The following SH3BP5 variants were observed in gnomAD, a reference collection of about 807,000 sequenced individuals.
SH3BP5 encodes SH3 domain binding protein 5, also known as SH3 domain-binding protein 5.
Under a neutral mutation model 43.3 loss-of-function variants are expected in SH3BP5, and 22 were observed. The observed-to-expected ratio is 0.51, with a 90% confidence interval of 0.36 to 0.73. The LOEUF (loss-of-function observed/expected upper bound fraction) is 0.73, where lower values mean the gene tolerates loss of function less well. SH3BP5 is among the 30% of genes least tolerant of loss of function. The pLI, the probability that SH3BP5 is intolerant of heterozygous loss-of-function variation, is 0.00. For synonymous variants in SH3BP5, 255 were observed against 225.8 expected, an observed-to-expected ratio of 1.13 and a Z score of -1.16; for missense variants, 529 against 586.9, an observed-to-expected ratio of 0.90 and a Z score of 1.02.
chr3:15,259,088 T>G, intron 6 of SH3BP5, 38 bp from the exon 7 acceptor site: 1 of 1,504,996 alleles, frequency 6.6e-7, no homozygotes, highest in Non-Finnish European at 9.2e-7. Context: ...AAGACTACCC[T>G]GCTAGCCTTA....
rs1337230406 is a variant in SH3BP5 at position 15,330,520 on chromosome 3, C to G, written c.185G>C (p.Arg62Pro). 2 of 1,613,214 alleles carry G rather than the reference C, an allele frequency of 1.2e-6. No individual in the cohort carries two copies. The highest frequency in any genetic ancestry group is 2.7e-5 in the African/African-American group (2 of 74,892). ...TCTCTGTACCTCAAGTTCAGTCTCC[C>G]GTCTGTTGATATCATCCGTGGACTG... ...LNQSTDDINR[R>P]ETELEDARQK... The change falls in exon 2 of 9, where the codon CGG becomes CCG. Residue 62 changes from arginine to proline, a missense_variant. This residue lies in a region of SH3BP5 where 85 missense variants were observed against 140.8 expected (regional missense o/e 0.60). Coordinates refer to ENST00000383791, the MANE Select transcript of SH3BP5 (RefSeq NM_004844.5).
At chr3:15,267,273 T>C (rs1324017168) in intron 4 of SH3BP5, among the ~76,000 whole-genome samples, 6 of 152,206 alleles carry the variant, frequency 3.9e-5, no homozygotes, top group African/African-American at 1.4e-4. Flanking sequence ...CAAGTGTGTG[T>C]CCTGGAGAAA....
At chr3:15,295,914 C>T (rs997646821) in intron 3 of SH3BP5, among the ~76,000 whole-genome samples, 9 of 152,318 alleles carry the variant, frequency 5.9e-5, no homozygotes, top group African/African-American at 2.2e-4. Context: ...CAACCCTTTG[C>T]AGCTAGTGTT....
In SH3BP5 at chr3:15,313,097, T is replaced by TA. The variant is rs1302682438; in HGVS notation, c.202-8867dup. On this transcript the variant is annotated intron_variant, in intron 2 of 8. Coordinates refer to ENST00000383791, the MANE Select transcript of SH3BP5 (RefSeq NM_004844.5). ...AGTCTCTACTAAAAAATAAAAAAAATAAAAAAATAAAAAAATAGCCGGGCA... is the reference window on the plus strand; with the variant it reads ...AGTCTCTACTAAAAAATAAAAAAAATAAAAAAAATAAAAAAATAGCCGGGCA... Among the ~76,000 whole-genome samples the TA allele has an allele frequency of 7.3e-5, 11 of 151,356 alleles. 1 individual carries two copies. The East Asian group carries it at 1.7e-3, about 24-fold the overall frequency.
intron 2 of SH3BP5, among the ~76,000 whole-genome samples, chr3:15,324,359 G>A (rs1383734627): frequency 1.3e-5 from 2 of 152,166 alleles, no homozygotes; most frequent in African/African-American, 4.8e-5. Context: ...TCCAGGAGAC[G>A]GCAAGCTCCA....
intron 2 of SH3BP5, among the ~76,000 whole-genome samples, chr3:15,313,415 C>T (rs1192733550): frequency 6.6e-6 from 1 of 152,186 alleles, no homozygotes; most frequent in Non-Finnish European, 1.5e-5. Flanking sequence ...TCTCCATTAG[C>T]AGGAACATAC....
chr3:15,265,570 C>T (rs569947442), intron 4 of SH3BP5, among the ~76,000 whole-genome samples: 5 of 102,716 alleles, frequency 4.9e-5, no homozygotes, highest in African/African-American at 2.2e-4. Flanking sequence ...AACCCTCCAG[C>T]TCCTGGAAGA....
chr3:15,332,661 C>A, upstream of SH3BP5: 1 of 1,148,206 alleles, frequency 8.7e-7, no homozygotes, highest in Non-Finnish European at 1.1e-6. Context: ...CCGCCCCGGC[C>A]TCGCGTTCCG....
intron 3 of SH3BP5, chr3:15,275,589 TA>T (rs1696940635): frequency 6.6e-6 from 1 of 152,236 alleles, no homozygotes; most frequent in South Asian, 2.1e-4. Flanking sequence ...AGGCCCTGCT[TA>T]TAATAGTACT....
intron 2 of SH3BP5, among the ~76,000 whole-genome samples, chr3:15,305,009 T>G: frequency 6.7e-6 from 1 of 149,932 alleles, no homozygotes; most frequent in East Asian, 2.0e-4. Context: ...TCCCAGCTAC[T>G]CAGGAGGCTG....
At chr3:15,282,135 C>T (rs924749371) in intron 3 of SH3BP5, among the ~76,000 whole-genome samples, 1 of 152,216 alleles carries the variant, frequency 6.6e-6, no homozygotes, top group African/African-American at 2.4e-5. Context: ...ATATCCCTAG[C>T]ACCAACAATA....
At chr3:15,339,469 T>C (rs895826778) in intron 1 of SH3BP5, among the ~76,000 whole-genome samples, 1 of 152,092 alleles carries the variant, frequency 6.6e-6, no homozygotes, top group African/African-American at 2.4e-5. Context: ...CCCAGCACTT[T>C]GGGAGGCTGA....
In SH3BP5 at chr3:15,265,516, A is replaced by T. The variant is rs894230973; in HGVS notation, c.496-3227T>A. 2.2e-4 allele frequency among the ~76,000 whole-genome samples: 15 copies of T among 67,724 alleles called. No individual in the cohort carries two copies. The East Asian group carries it at 2.2e-3, about 10-fold the overall frequency. The allele number at this position is 67,724 out of a possible 152,430, so 44.4% of individuals were successfully genotyped here. On this transcript the variant is annotated intron_variant, in intron 4 of 8. Coordinates refer to ENST00000383791, the MANE Select transcript of SH3BP5 (RefSeq NM_004844.5). ...GAGCTACAGGGCGAGACTCCGTCAC[A>T]CACACACACACACACACACACACAC... is the stretch of plus-strand genomic sequence containing the variant.
At chr3:15,332,101 C>T in intron 1 of SH3BP5, 170 bp downstream of exon 1, 1 of 1,095,838 alleles carries the variant, frequency 9.1e-7, no homozygotes, top group Non-Finnish European at 1.3e-6. Context: ...GTAGCCTCCT[C>T]ATTGTGGAGA....
In SH3BP5 at chr3:15,256,027, A is replaced by G. The variant is rs930053721; in HGVS notation, c.*59T>C. On this transcript the variant is annotated 3_prime_UTR_variant, in exon 9 of 9. Coordinates refer to ENST00000383791, the MANE Select transcript of SH3BP5 (RefSeq NM_004844.5). ...CATATATTAAATGATTATTGGCACA[A>G]TGTTCTCCAGTTCCATGTATAAATG... The G allele has an allele frequency of 1.5e-5, 20 of 1,340,176 alleles. No homozygotes were observed. Among genetic ancestry groups the G allele is most frequent in the Admixed American group, 5.5e-5 (3 of 54,286 alleles). The allele number at this position is 1,340,176 out of a possible 1,614,324, so 83.0% of individuals were successfully genotyped here. A position where few individuals can be genotyped will look rare whatever the true frequency, so the allele number is the denominator to read the frequency against.
upstream of SH3BP5, among the ~76,000 whole-genome samples, chr3:15,334,402 GA>G (rs1023759024): frequency 5.9e-5 from 9 of 151,756 alleles, no homozygotes; most frequent in African/African-American, 1.2e-4. Flanking sequence ...ATATTTGGGG[GA>G]AAAAAACACA....
At chr3:15,288,734 C>A (rs773143228) in intron 3 of SH3BP5, among the ~76,000 whole-genome samples, 21 of 152,026 alleles carry the variant, frequency 1.4e-4, no homozygotes, top group Admixed American at 1.2e-3. Context: ...AATGAGAGAC[C>A]CTGTCTCAAA....
At chr3:15,312,898 A>C (rs2125123188) in intron 2 of SH3BP5, among the ~76,000 whole-genome samples, 1 of 152,308 alleles carries the variant, frequency 6.6e-6, no homozygotes, top group Middle Eastern at 3.4e-3. Context: ...CTGCTTAAAA[A>C]ATGTATTTTC....
Position 15,265,512 on chromosome 3 carries a change from T to TCTCACACACACACACACA in SH3BP5, c.496-3224_496-3223insTGTGTGTGTGTGTGTGAG, listed in dbSNP as rs1318765546. Among the ~76,000 whole-genome samples, 82 of 107,986 alleles carry TCTCACACACACACACACA rather than the reference T, an allele frequency of 7.6e-4. 1 individual carries two copies. The highest frequency in any genetic ancestry group is 5.2e-3 in the East Asian group (18 of 3,434). The allele number at this position is 107,986 out of a possible 152,430, so 70.8% of individuals were successfully genotyped here. A position where few individuals can be genotyped will look rare whatever the true frequency, so the allele number is the denominator to read the frequency against. On this transcript the variant is annotated intron_variant, in intron 4 of 8. Transcript: ENST00000383791. ...GCCTGAGCTACAGGGCGAGACTCCGTCACACACACACACACACACACACAC... is the reference window on the plus strand; with the variant it reads ...GCCTGAGCTACAGGGCGAGACTCCGTCTCACACACACACACACACACACACACACACACACACACACAC...
Sources: gnomAD v4.1 joint callset for allele counts (sites outside exome capture counted in the v4.1 genomes callset) on GRCh38, gnomAD v4.1.1 for gene constraint, gnomAD v4.1.1 regional missense constraint, MANE v1.5 for transcripts, NCBI Gene and HGNC (gene_info 2026-07-23, HGNC 2026-07-21) for gene names.